Variants in FOS observed in about 807,000 individuals in gnomAD.
FOS encodes the protein Fos proto-oncogene, AP-1 transcription factor subunit.
A neutral mutation model predicts 27.2 loss-of-function variants in FOS; 9 were observed. The ratio of observed to expected loss-of-function variants is 0.33; its 90% CI spans 0.20 to 0.58. The LOEUF is 0.58. Ranked by LOEUF, FOS falls within the 20% of genes least tolerant of loss-of-function variation. The probability of loss-of-function intolerance (pLI) is 0.87; values close to 1 mark genes in which losing one functional copy is unlikely to be tolerated. For synonymous variants in FOS, 213 were observed against 205.1 expected (o/e 1.04, Z -0.33); for missense variants, 405 against 483.5 (o/e 0.84, Z 1.52).
intron 2 of FOS, 69 bp from the exon 3 acceptor site, chr14:75,280,490 TG>T: frequency 8.0e-7 from 1 of 1,252,378 alleles, no homozygotes; most frequent in Non-Finnish European, 1.1e-6. Context: ...CCAGTTCTAC[TG>T]GGGTGGGTGA....
At position 75,279,837 on chromosome 14, in the gene FOS, T is replaced by G; in HGVS notation, c.142-40T>G. On this transcript the variant is annotated intron_variant, in intron 1 of 3. Transcript: ENST00000303562. This position sits in a 1 kb window ranked among gnomAD's most constrained non-coding sequence, Gnocchi z 5.4. Reference sequence around the variant, plus strand: ...ACTCGCCCCACCTGTGTCCGGAACCTGCTCGCTCACGTCGGCTTTCCCCTT... The same window carrying G: ...ACTCGCCCCACCTGTGTCCGGAACCGGCTCGCTCACGTCGGCTTTCCCCTT... The G allele has an allele frequency of 1.9e-6, 3 of 1,553,176 alleles. No individual in the cohort carries two copies. The highest frequency in any genetic ancestry group is 1.9e-5 in the Admixed American group (1 of 53,466).
Position 75,279,686 on chromosome 14 carries a change from A to G in FOS, c.142-191A>G. ...GGAACGCAGCGGCAGGATGGAAGAG[A>G]CAGGCACTGCGCTGCGGAATGCCTG... On this transcript the variant is annotated intron_variant, in intron 1 of 3. Transcript: ENST00000303562. The surrounding 1 kb of genome is among the most constrained non-coding windows in gnomAD (Gnocchi z 5.4). 1 of 639,734 alleles carries G rather than the reference A, an allele frequency of 1.6e-6. No homozygotes were observed. The highest frequency in any genetic ancestry group is 2.7e-6 in the Non-Finnish European group (1 of 367,910). The allele number at this position is 639,734 out of a possible 1,614,324, so 39.6% of individuals were successfully genotyped here. A position where few individuals can be genotyped will look rare whatever the true frequency, so the allele number is the denominator to read the frequency against.
rs1897225727 is a variant in FOS at position 75,281,174 on chromosome 14, T to C, written c.893T>C (p.Phe298Ser). 1 of 1,611,896 alleles carries C rather than the reference T, an allele frequency of 6.2e-7. No homozygotes were observed. Among genetic ancestry groups the C allele is most frequent in the East Asian group, 2.2e-5 (1 of 44,886 alleles). Residue 298 changes from phenylalanine (F) to serine (S), a missense_variant, in exon 4 of 4, where the codon TTC (phenylalanine) becomes TCC (serine). Physicochemically the swap from Phe to Ser is radical, Grantham distance 155. Transcript: ENST00000303562. The surrounding 1 kb of genome is among the most constrained non-coding windows in gnomAD (Gnocchi z 4.7). ...SVPDMDLSGS[F>S]YAADWEPLHS... is the part of the protein sequence containing the mutation. ...CCAGACATGGACCTATCTGGGTCCT[T>C]CTATGCAGCAGACTGGGAGCCTCTG...
chr14:75,281,404 C>G lies in FOS; in HGVS notation c.1123C>G (p.Pro375Ala). 1 of 1,611,380 alleles carries G rather than the reference C, an allele frequency of 6.2e-7. No homozygotes were observed. The highest frequency in any genetic ancestry group is 8.5e-7 in the Non-Finnish European group (1 of 1,179,904). ...GCCTTCCTCTGACTCGCTCAGCTCA[C>G]CCACGCTGCTGGCCCTGTGAGGGGG... ...NEPSSDSLSS[P>A]TLLAL Residue 375 changes from proline to alanine, a missense_variant, in exon 4 of 4, where the codon CCC (proline) becomes GCC (alanine). Coordinates refer to ENST00000303562, the MANE Select transcript of FOS (RefSeq NM_005252.4). The surrounding 1 kb of genome is among the most constrained non-coding windows in gnomAD (Gnocchi z 4.7).
Position 75,281,620 on chromosome 14 carries a change from T to TC in FOS, c.*198dup, listed in dbSNP as rs935902583. On this transcript the variant is annotated 3_prime_UTR_variant, in exon 4 of 4. Transcript: ENST00000303562. This position sits in a 1 kb window ranked among gnomAD's most constrained non-coding sequence, Gnocchi z 4.7. Reference sequence around the variant, plus strand: ...TGTGTGGACTCAAGTCCTTACCTCTTCCGGAGATGTAGCAAAACGCATGGA... The same window carrying TC: ...TGTGTGGACTCAAGTCCTTACCTCTTCCCGGAGATGTAGCAAAACGCATGGA... 33 of 614,336 alleles carry TC rather than the reference T, an allele frequency of 5.4e-5. No homozygotes were observed. In the African/African-American group the frequency reaches 5.5e-4, roughly 10 times the overall value. 38.1% of individuals were successfully genotyped at this position (614,336 alleles called of 1,614,324 possible).
intron 3 of FOS, 55 bp downstream of exon 3, chr14:75,280,722 G>T (rs781658623): frequency 1.9e-6 from 3 of 1,609,340 alleles, no homozygotes; most frequent in South Asian, 1.1e-5. Context: ...GTTGGAGATT[G>T]AGCATAAGGG....
rs766059225 is a variant in FOS at position 75,279,999 on chromosome 14, G to A, written c.264G>A (p.Ser88=). 23 of 1,613,998 alleles carry A rather than the reference G, an allele frequency of 1.4e-5. No individual in the cohort carries two copies. The highest frequency in any genetic ancestry group is 1.9e-5 in the Non-Finnish European group (22 of 1,180,022). The change falls in exon 2 of 4, where the codon TCG becomes TCA. Residue 88 remains serine, a synonymous_variant. Transcript: ENST00000303562. The surrounding 1 kb of genome is among the most constrained non-coding windows in gnomAD (Gnocchi z 5.4). ...CCCTCGTCTCCTCCGTGGCCCCATC[G>A]CAGACCAGAGCCCCTCACCCTTTCG... ...QPALVSSVAP[S]QTRAPHPFGV...
In FOS at chr14:75,279,393, G is replaced by T; in HGVS notation, c.141+270G>T. 1 of 529,116 alleles carries T rather than the reference G, an allele frequency of 1.9e-6. No individual in the cohort carries two copies. The highest frequency in any genetic ancestry group is 3.3e-6 in the Non-Finnish European group (1 of 299,492). The allele number at this position is 529,116 out of a possible 1,614,324, so 32.8% of individuals were successfully genotyped here. On this transcript the variant is annotated intron_variant, in intron 1 of 3. Transcript: ENST00000303562. The surrounding 1 kb of genome is among the most constrained non-coding windows in gnomAD (Gnocchi z 5.4). ...CAGGACGGATCTCTGACATTAGCTG[G>T]AGCAGACGTGTCCCAAGCACAAACT...
rs1223904285 is a variant in FOS at position 75,279,513 on chromosome 14, A to G, written c.142-364A>G. 2 of 435,878 alleles carry G rather than the reference A, an allele frequency of 4.6e-6. No individual in the cohort carries two copies. The highest frequency in any genetic ancestry group is 8.2e-6 in the Non-Finnish European group (2 of 242,452). The allele number at this position is 435,878 out of a possible 1,614,324, so 27.0% of individuals were successfully genotyped here. The stretch of plus-strand genomic sequence containing the variant: ...GAGCACGGAGGAGGGATGAGGGAGG[A>G]GGGTGCAGCGGGCGGGTGTGTAAGG... On this transcript the variant is annotated intron_variant, in intron 1 of 3. Coordinates refer to ENST00000303562, the MANE Select transcript of FOS (RefSeq NM_005252.4). The surrounding 1 kb of genome is among the most constrained non-coding windows in gnomAD (Gnocchi z 5.4).
chr14:75,279,478 C>T lies in FOS; in HGVS notation c.141+355C>T. On this transcript the variant is annotated intron_variant, in intron 1 of 3. Transcript: ENST00000303562. The surrounding 1 kb of genome is among the most constrained non-coding windows in gnomAD (Gnocchi z 5.4). The stretch of plus-strand genomic sequence containing the variant: ...CAGAAAGCGGCAATCCCCCCTCCCC[C>T]GGCAGCCTGGAGCACGGAGGAGGGA... The T allele has an allele frequency of 2.3e-6, 1 of 442,582 alleles. No homozygotes were observed. Among genetic ancestry groups the T allele is most frequent in the Non-Finnish European group, 4.1e-6 (1 of 246,570 alleles). 27.4% of individuals were successfully genotyped at this position (442,582 alleles called of 1,614,324 possible).
chr14:75,280,131 G>C lies in FOS; in HGVS notation c.393+3G>C. On this transcript the variant is annotated splice_donor_region_variant and intron_variant, in intron 2 of 3. Transcript: ENST00000303562. Reference sequence around the variant, plus strand: ...GCAGGAGGGGCAAGGTGGAACAGGTGAGGAACTCTAGCGTACTCTTCCTGG... The same window carrying C: ...GCAGGAGGGGCAAGGTGGAACAGGTCAGGAACTCTAGCGTACTCTTCCTGG... The C allele has an allele frequency of 6.2e-7, 1 of 1,613,736 alleles. No homozygotes were observed. The highest frequency in any genetic ancestry group is 1.6e-4 in the Middle Eastern group (1 of 6,062).
In FOS at chr14:75,280,065, C is replaced by T. The variant is rs1897209390; in HGVS notation, c.330C>T (p.Gly110=). ...APSAGAYSRA[G]VVKTMTGGRA... ...CCGCTGGGGCTTACTCCAGGGCTGGCGTTGTGAAGACCATGACAGGAGGCC... is the reference window on the plus strand; with the variant it reads ...CCGCTGGGGCTTACTCCAGGGCTGGTGTTGTGAAGACCATGACAGGAGGCC... The change falls in exon 2 of 4, where the codon GGC becomes GGT. Residue 110 remains glycine, a synonymous_variant. Coordinates refer to ENST00000303562, the MANE Select transcript of FOS (RefSeq NM_005252.4). The T allele has an allele frequency of 1.9e-6, 3 of 1,613,974 alleles. No individual in the cohort carries two copies. Among genetic ancestry groups the T allele is most frequent in the African/African-American group, 1.3e-5 (1 of 74,890 alleles).
At position 75,281,372 on chromosome 14, in the gene FOS, G is replaced by T. The variant is rs373065227; in HGVS notation, c.1091G>T (p.Ser364Ile). ...CAAAHRKGSS[S>I]NEPSSDSLSS... ...GCTGCCCACCGCAAGGGCAGCAGCA[G>T]CAATGAGCCTTCCTCTGACTCGCTC... The change falls in exon 4 of 4, where the codon AGC becomes ATC. Residue 364 changes from serine to isoleucine, a missense_variant. By Grantham distance (142) the Ser-to-Ile change is moderately radical (BLOSUM62 -2). Transcript: ENST00000303562. The surrounding 1 kb of genome is among the most constrained non-coding windows in gnomAD (Gnocchi z 4.7). 2.5e-6 allele frequency: 4 copies of T among 1,611,584 alleles called. No individual in the cohort carries two copies. The African/African-American group carries it at 4.0e-5, about 16-fold the overall frequency.
In FOS at chr14:75,278,949, T is replaced by C. The variant is rs577558752; in HGVS notation, c.-34T>C. ...CACAGCGCCCACCTGTCTCCGCCCC[T>C]CGGCCCCTCGCCCGGCTTTGCCTAA... On this transcript the variant is annotated 5_prime_UTR_variant, in exon 1 of 4. Coordinates refer to ENST00000303562, the MANE Select transcript of FOS (RefSeq NM_005252.4). This position sits in a 1 kb window ranked among gnomAD's most constrained non-coding sequence, Gnocchi z 4.1. 2.2e-5 allele frequency: 35 copies of C among 1,612,060 alleles called. No individual in the cohort carries two copies. Among genetic ancestry groups the C allele is most frequent in the Non-Finnish European group, 2.7e-5 (32 of 1,179,440 alleles).
intron 2 of FOS, 53 bp from the exon 3 acceptor site, chr14:75,280,507 G>T: frequency 1.4e-6 from 2 of 1,415,692 alleles, no homozygotes; most frequent in Non-Finnish European, 2.0e-6. Context: ...GGTGAATGGA[G>T]GTGATGGCAG....
Position 75,279,177 on chromosome 14 carries a change from G to T in FOS, c.141+54G>T. 3.7e-6 allele frequency: 6 copies of T among 1,604,388 alleles called. No individual in the cohort carries two copies. In the South Asian group the frequency reaches 4.4e-5, roughly 12 times the overall value. ...CCGGGGGCTTGGGGTCGCGGAGGAG[G>T]AGACACCGGGCGGGACGCTCCAGTA... On this transcript the variant is annotated intron_variant, in intron 1 of 3. Coordinates refer to ENST00000303562, the MANE Select transcript of FOS (RefSeq NM_005252.4). The surrounding 1 kb of genome is among the most constrained non-coding windows in gnomAD (Gnocchi z 5.4).
In FOS at chr14:75,281,074, A is replaced by G. The variant is rs1897224155; in HGVS notation, c.793A>G (p.Lys265Glu). Residue 265 changes from lysine to glutamate, a missense_variant, in exon 4 of 4, where the codon AAG becomes GAG. Coordinates refer to ENST00000303562, the MANE Select transcript of FOS (RefSeq NM_005252.4). The surrounding 1 kb of genome is among the most constrained non-coding windows in gnomAD (Gnocchi z 4.7). ...CAAGAGCATCAGCAGCATGGAGCTG[A>G]AGACCGAGCCCTTTGATGACTTCCT... ...PVKSISSMEL[K>E]TEPFDDFLFP... 6.2e-7 allele frequency: 1 copy of G among 1,611,608 alleles called. No individual in the cohort carries two copies.
At position 75,281,194 on chromosome 14, in the gene FOS, C is replaced by T; in HGVS notation, c.913C>T (p.Pro305Ser). 1 of 1,612,424 alleles carries T rather than the reference C, an allele frequency of 6.2e-7. No homozygotes were observed. The highest frequency in any genetic ancestry group is 8.5e-7 in the Non-Finnish European group (1 of 1,180,026). The change falls in exon 4 of 4, where the codon CCT (proline) becomes TCT (serine). Residue 305 changes from proline to serine, a missense_variant. Physicochemically the swap from Pro to Ser is moderately conservative, Grantham distance 74 (BLOSUM62 -1). Coordinates refer to ENST00000303562, the MANE Select transcript of FOS (RefSeq NM_005252.4). The surrounding 1 kb of genome is among the most constrained non-coding windows in gnomAD (Gnocchi z 4.7). ...SGSFYAADWE[P>S]LHSGSLGMGP... ...GTCCTTCTATGCAGCAGACTGGGAG[C>T]CTCTGCACAGTGGCTCCCTGGGGAT...
At position 75,279,856 on chromosome 14, in the gene FOS, TC is replaced by T; in HGVS notation, c.142-17del. ...GGAACCTGCTCGCTCACGTCGGCTT[TC>T]CCCTTCTGTTTTGTTCTAGGACTTC... On this transcript the variant is annotated intron_variant, in intron 1 of 3. Coordinates refer to ENST00000303562, the MANE Select transcript of FOS (RefSeq NM_005252.4). This position sits in a 1 kb window ranked among gnomAD's most constrained non-coding sequence, Gnocchi z 5.4. 1 of 1,568,424 alleles carries T rather than the reference TC, an allele frequency of 6.4e-7. No homozygotes were observed. The highest frequency in any genetic ancestry group is 8.7e-7 in the Non-Finnish European group (1 of 1,152,630).
Sources: allele counts gnomAD v4.1 joint callset, GRCh38; gene constraint gnomAD v4.1.1; non-coding constraint Gnocchi (gnomAD v3.1); transcripts MANE v1.5; gene names NCBI Gene and HGNC (gene_info 2026-07-23, HGNC 2026-07-21).